SLC35D1: variants seen among roughly 807,000 people sequenced by gnomAD.
SLC35D1 encodes solute carrier family 35 member D1.
SLC35D1 carries 31 observed loss-of-function variants against 46.7 expected under a neutral mutation model. That is an observed-to-expected ratio of 0.66 (90% CI 0.50 to 0.90). SLC35D1 has a LOEUF of 0.90. Among genes scored for constraint, SLC35D1 ranks in the 40% least tolerant of loss-of-function variants. SLC35D1 has a pLI of 0.00. For missense variants in SLC35D1, 397 were observed against 426.2 expected (o/e 0.93, Z 0.60); for synonymous variants, 195 against 164.6 (o/e 1.18, Z -1.41).
chr1:67,051,939 A>C, intron 4 of SLC35D1, 73 bp downstream of exon 4: 1 of 1,052,726 alleles, frequency 9.5e-7, no homozygotes, highest in Non-Finnish European at 1.5e-6. Context: ...CAATGTGTTA[A>C]ATATTTGACA....
Position 67,049,847 on chromosome 1 carries a change from C to A in SLC35D1, c.468G>T (p.Lys156Asn). ...TMFAEGVLLK[K>N]TFSWGIKMTV... Reference sequence around the variant, plus strand: ...TCATTTTAATACCCCAAGAAAAAGTCTTCCTACAAAACAAAAAATTTTAAA... The same window carrying A: ...TCATTTTAATACCCCAAGAAAAAGTATTCCTACAAAACAAAAAATTTTAAA... Residue 156 changes from lysine (K) to asparagine (N), a missense_variant, in exon 6 of 12, where the codon AAG (lysine) becomes AAT (asparagine). Coordinates refer to ENST00000235345, the MANE Select transcript of SLC35D1 (RefSeq NM_015139.3). 1 of 1,612,770 alleles carries A rather than the reference C, an allele frequency of 6.2e-7. No individual in the cohort carries two copies. The highest frequency in any genetic ancestry group is 1.1e-5 in the South Asian group (1 of 90,930).
chr1:66,985,316 G>T, the SLC35D1 span: 1 of 985,450 alleles, frequency 1.0e-6, no homozygotes, highest in Non-Finnish European at 1.2e-6. Context: ...CCAAATTTCT[G>T]CTTAATACCA....
chr1:67,022,859 T>C (rs1263861814), intron 8 of SLC35D1, among the ~76,000 whole-genome samples: 1 of 152,200 alleles, frequency 6.6e-6, no homozygotes, highest in Non-Finnish European at 1.5e-5. Flanking sequence ...TTCTAGCCCC[T>C]GGCAACCTCT....
intron 11 of SLC35D1, among the ~76,000 whole-genome samples, chr1:67,007,989 G>GTAT (rs1558149563): frequency 6.6e-6 from 1 of 152,078 alleles, no homozygotes; most frequent in African/African-American, 2.4e-5. Flanking sequence ...AGAACTCCTG[G>GTAT]TATTAGTACT....
chr1:67,009,139 A>C lies in SLC35D1; in HGVS notation c.905T>G (p.Val302Gly). 1 of 1,479,980 alleles carries C rather than the reference A, an allele frequency of 6.8e-7. No individual in the cohort carries two copies. Among genetic ancestry groups the C allele is most frequent in the African/African-American group, 1.4e-5 (1 of 72,276 alleles). The allele number at this position is 1,479,980 out of a possible 1,614,324, so 91.7% of individuals were successfully genotyped here. A position where few individuals can be genotyped will look rare whatever the true frequency, so the allele number is the denominator to read the frequency against. Residue 302 changes from valine to glycine, a missense_variant, in exon 11 of 12, where the codon GTC (valine) becomes GGC (glycine). Val to Gly is a moderately radical substitution (Grantham distance 109). Transcript: ENST00000235345. The stretch of plus-strand genomic sequence containing the variant: ...CGTGAAAATATAATCTCCACCAAAG[A>C]CCATTCCAATATAAGTTATTAATAT... The part of the protein sequence containing the change: ...KNILITYIGM[V>G]FGGDYIFTWT...
At chr1:66,983,497 T>C in the SLC35D1 span, among the ~76,000 whole-genome samples, 2 of 152,214 alleles carry the variant, frequency 1.3e-5, no homozygotes. Flanking sequence ...TCACCAAAAT[T>C]TGCATTCCAT....
At chr1:66,984,677 C>T in the SLC35D1 span, 4 of 1,613,718 alleles carry the variant, frequency 2.5e-6, no homozygotes, top group Non-Finnish European at 3.4e-6. Context: ...CCACTTCATG[C>T]AGATATGGAT....
chr1:66,992,499 G>A, the SLC35D1 span, among the ~76,000 whole-genome samples: 7 of 152,358 alleles, frequency 4.6e-5, no homozygotes, highest in African/African-American at 1.7e-4. Flanking sequence ...TTGTCTTACA[G>A]AAGGGAAAAT....
chr1:67,043,476 G>A (rs1205846483), intron 7 of SLC35D1, among the ~76,000 whole-genome samples: 3 of 152,080 alleles, frequency 2.0e-5, no homozygotes, highest in African/African-American at 4.8e-5. Flanking sequence ...AGGAATCCAA[G>A]GGAGGCTGCA....
At chr1:67,015,898 A>G (rs1162656619) in intron 10 of SLC35D1, among the ~76,000 whole-genome samples, 1 of 152,162 alleles carries the variant, frequency 6.6e-6, no homozygotes, top group African/African-American at 2.4e-5. Context: ...ACGTTGACTA[A>G]TGATATCTTT....
rs1359075270 is a variant in SLC35D1, at chr1:67,000,685, T to C, written c.*3655A>G. 1 of 152,242 alleles carries C rather than the reference T, an allele frequency of 6.6e-6. No individual in the cohort carries two copies. Among genetic ancestry groups the C allele is most frequent in the Non-Finnish European group, 1.5e-5 (1 of 68,052 alleles). The allele number at this position is 152,242 out of a possible 1,614,324, so 9.4% of individuals were successfully genotyped here. On this transcript the variant is annotated 3_prime_UTR_variant, in exon 12 of 12. Coordinates refer to ENST00000235345, the MANE Select transcript of SLC35D1 (RefSeq NM_015139.3). ...ATTGTGCTAAGTAGTTTCATATCCA[T>C]GTCTCATTTATTCCGAACTTTTTTC...
intron 8 of SLC35D1, among the ~76,000 whole-genome samples, chr1:67,039,429 T>C (rs984013270): frequency 6.6e-6 from 1 of 152,036 alleles, no homozygotes; most frequent in Non-Finnish European, 1.5e-5. Flanking sequence ...GTTCCCACAA[T>C]ATGCACAAAA....
At chr1:66,990,896 C>A in the SLC35D1 span, among the ~76,000 whole-genome samples, 14 of 152,142 alleles carry the variant, frequency 9.2e-5, no homozygotes, top group African/African-American at 3.4e-4. Flanking sequence ...CTGTTTTCCT[C>A]ACCATCATAC....
At chr1:67,020,509 T>A (rs1667775060) in intron 9 of SLC35D1, 62 bp from the exon 10 acceptor site, 1 of 1,231,670 alleles carries the variant, frequency 8.1e-7, no homozygotes, top group Non-Finnish European at 1.2e-6. Flanking sequence ...CTAGCCAAGA[T>A]AAACAATCAG....
At chr1:67,035,505 G>C (rs753113177) in intron 8 of SLC35D1, among the ~76,000 whole-genome samples, 10 of 152,040 alleles carry the variant, frequency 6.6e-5, no homozygotes, top group Non-Finnish European at 1.0e-4. Context: ...AGCCAATAAT[G>C]ATCTTTTGAA....
chr1:66,985,643 TTTTC>T, the SLC35D1 span: 2 of 984,730 alleles, frequency 2.0e-6, no homozygotes, highest in Middle Eastern at 5.2e-4. Flanking sequence ...GCGTGTATAA[TTTTC>T]TTAACTTGTA....
At chr1:66,980,054 A>C in the SLC35D1 span, among the ~76,000 whole-genome samples, 1 of 152,126 alleles carries the variant, frequency 6.6e-6, no homozygotes, top group Non-Finnish European at 1.5e-5. Context: ...GTGAGCCACC[A>C]CACCCGGCCT....
Position 66,999,987 on chromosome 1 carries a change from C to G in SLC35D1, c.*4353G>C, listed in dbSNP as rs1667298143. On this transcript the variant is annotated 3_prime_UTR_variant, in exon 12 of 12. Coordinates refer to ENST00000235345, the MANE Select transcript of SLC35D1 (RefSeq NM_015139.3). ...TTCTTTAAGATAGAAAATAATTTTCCTGGCCGGACATGTGGCACACACCTG... is the reference window on the plus strand; with the variant it reads ...TTCTTTAAGATAGAAAATAATTTTCGTGGCCGGACATGTGGCACACACCTG... 1 of 151,948 alleles carries G rather than the reference C, an allele frequency of 6.6e-6. No homozygotes were observed. The allele number at this position is 151,948 out of a possible 1,614,324, so 9.4% of individuals were successfully genotyped here.
At chr1:67,051,976 A>C in intron 4 of SLC35D1, 36 bp downstream of exon 4, 1 of 1,339,056 alleles carries the variant, frequency 7.5e-7, no homozygotes, top group South Asian at 1.2e-5. Flanking sequence ...AGAATACATT[A>C]TATTAACCTC....
Sources: allele counts gnomAD v4.1 joint callset (sites outside exome capture counted in the v4.1 genomes callset), GRCh38; gene constraint gnomAD v4.1.1; transcripts MANE v1.5; gene names NCBI Gene and HGNC (gene_info 2026-07-23, HGNC 2026-07-21).